The following SLC27A4 variants were observed in gnomAD, a reference collection of about 807,000 sequenced individuals.
SLC27A4 encodes solute carrier family 27 member 4.
SLC27A4 carries 33 observed loss-of-function variants against 64.4 expected under a neutral mutation model. The observed-to-expected ratio is 0.51, with a 90% CI of 0.39 to 0.68. The LOEUF (loss-of-function observed/expected upper bound fraction) is 0.68, where lower values mean the gene tolerates loss of function less well. SLC27A4 is among the 30% of genes least tolerant of loss of function. The pLI is 0.00. For missense variants in SLC27A4, 824 were observed against 883.5 expected, an observed-to-expected ratio of 0.93 and a Z score of 0.85; for synonymous variants, 377 against 370.0, an observed-to-expected ratio of 1.02 and a Z score of -0.22.
Position 128,355,109 on chromosome 9 carries a change from G to T in SLC27A4, c.1381G>T (p.Asp461Tyr). 1.2e-6 allele frequency: 2 copies of T among 1,613,554 alleles called. No homozygotes were observed. Among genetic ancestry groups the T allele is most frequent in the Non-Finnish European group, 8.5e-7 (1 of 1,179,806 alleles). ...CCAGAAAGACCCCCTGCGCCGCTTCGATGGCTACCTCAACCAGGGCGCCAA... is the reference window on the plus strand; with the variant it reads ...CCAGAAAGACCCCCTGCGCCGCTTCTATGGCTACCTCAACCAGGGCGCCAA... ...IIQKDPLRRF[D>Y]GYLNQGANNK... Residue 461 changes from aspartate to tyrosine, a missense_variant, in exon 10 of 13, where the codon GAT (aspartate) becomes TAT (tyrosine). Physicochemically the swap from Asp to Tyr is radical, Grantham distance 160. Coordinates refer to ENST00000300456, the MANE Select transcript of SLC27A4 (RefSeq NM_005094.4).
At chr9:128,360,082 C>T (rs1832875509) in intron 12 of SLC27A4, among the ~76,000 whole-genome samples, 1 of 152,184 alleles carries the variant, frequency 6.6e-6, no homozygotes, top group African/African-American at 2.4e-5. Flanking sequence ...AAATAGCCTC[C>T]CTTCTCCAGG....
intron 1 of SLC27A4, 40 bp from the exon 2 acceptor site, chr9:128,343,087 G>C (rs1832600785): frequency 6.2e-7 from 1 of 1,610,940 alleles, no homozygotes; most frequent in Non-Finnish European, 8.5e-7. Flanking sequence ...AGACCTGGAG[G>C]GTTGGGTGTT....
At position 128,355,399 on chromosome 9, in the gene SLC27A4, T is replaced by C. The variant is rs1375788890; in HGVS notation, c.1464T>C (p.Gly488=). 6.2e-7 allele frequency: 1 copy of C among 1,613,374 alleles called. No individual in the cohort carries two copies. Among genetic ancestry groups the C allele is most frequent in the East Asian group, 2.2e-5 (1 of 44,856 alleles). The part of the protein sequence containing the change: ...FKKGDQAYLT[G]DVLVMDELGY... ...CTGCCTCATCCGGCCCCTCCCTAGG[T>C]GATGTGCTGGTGATGGACGAGCTGG... Residue 488 remains glycine (G), a splice_region_variant and synonymous_variant, in exon 11 of 13, where the codon GGT becomes GGC. Transcript: ENST00000300456.
chr9:128,354,164 G>A (rs1435962777), intron 9 of SLC27A4, among the ~76,000 whole-genome samples: 3 of 151,612 alleles, frequency 2.0e-5, no homozygotes, highest in Non-Finnish European at 2.9e-5. Flanking sequence ...GGTTGGTCTC[G>A]AACTCCTGAC....
At chr9:128,358,419 G>A (rs766065682) in intron 12 of SLC27A4, among the ~76,000 whole-genome samples, 1 of 152,090 alleles carries the variant, frequency 6.6e-6, no homozygotes, top group Non-Finnish European at 1.5e-5. Flanking sequence ...CAACACTTTG[G>A]GATTAAATTT....
At chr9:128,344,653 G>A (rs1014543572) in intron 2 of SLC27A4, among the ~76,000 whole-genome samples, 3 of 152,222 alleles carry the variant, frequency 2.0e-5, no homozygotes, top group African/African-American at 7.2e-5. Context: ...GCCTATCCCA[G>A]CTAGGCTCAC....
rs1489170063 is a variant in SLC27A4, at chr9:128,360,853, C to G, written c.*362C>G. The stretch of plus-strand genomic sequence containing the variant: ...ATAAATGGAACCAGAGCAGAAGTCC[C>G]CAGACTCAGGAAGTCAACAGAGTGG... On this transcript the variant is annotated 3_prime_UTR_variant, in exon 13 of 13. Transcript: ENST00000300456. The G allele has an allele frequency of 6.4e-6, 2 of 311,768 alleles. No individual in the cohort carries two copies. The highest frequency in any genetic ancestry group is 1.6e-4 in the East Asian group (2 of 12,188). 19.3% of individuals were successfully genotyped at this position (311,768 alleles called of 1,614,324 possible). A position where few individuals can be genotyped will look rare whatever the true frequency, so the allele number is the denominator to read the frequency against.
rs1241370183 is a variant in SLC27A4 at position 128,360,508 on chromosome 9, G to A, written c.*17G>A. The A allele has an allele frequency of 1.2e-6, 2 of 1,612,966 alleles. No homozygotes were observed. Among genetic ancestry groups the A allele is most frequent in the Non-Finnish European group, 1.7e-6 (2 of 1,179,860 alleles). On this transcript the variant is annotated 3_prime_UTR_variant, in exon 13 of 13. Coordinates refer to ENST00000300456, the MANE Select transcript of SLC27A4 (RefSeq NM_005094.4). ...AAGCTGTGATTCCCCCCATCCCTCTGAGGGCCGGCGGATGCTGGATCCGGA... is the reference window on the plus strand; with the variant it reads ...AAGCTGTGATTCCCCCCATCCCTCTAAGGGCCGGCGGATGCTGGATCCGGA...
rs1005419769 is a variant in SLC27A4 at position 128,353,075 on chromosome 9, G to A, written c.1038G>A (p.Pro346=). 13 of 1,613,998 alleles carry A rather than the reference G, an allele frequency of 8.1e-6. No homozygotes were observed. The Admixed American group carries it at 8.3e-5, about 10-fold the overall frequency. Residue 346 remains proline (P), a synonymous_variant, in exon 8 of 13, where the codon CCG becomes CCA. Coordinates refer to ENST00000300456, the MANE Select transcript of SLC27A4 (RefSeq NM_005094.4). This position sits in a 1 kb window ranked among gnomAD's most constrained non-coding sequence, Gnocchi z 4.9. ...GCCGCTACCTCCTGAACCAGCCACCGCGGGAGGCAGAAAACCAGCACCAGG... is the reference window on the plus strand; with the variant it reads ...GCCGCTACCTCCTGAACCAGCCACCACGGGAGGCAGAAAACCAGCACCAGG... ...ELCRYLLNQP[P]REAENQHQVR...
rs924526840 is a variant in SLC27A4 at position 128,353,945 on chromosome 9, G to A, written c.1324+404G>A. 2.0e-5 allele frequency among the ~76,000 whole-genome samples: 3 copies of A among 150,474 alleles called. No homozygotes were observed. The highest frequency in any genetic ancestry group is 6.6e-5 in the Admixed American group (1 of 15,160). On this transcript the variant is annotated intron_variant, in intron 9 of 12. Transcript: ENST00000300456. This position sits in a 1 kb window ranked among gnomAD's most constrained non-coding sequence, Gnocchi z 4.9. The stretch of plus-strand genomic sequence containing the variant: ...TTTTTAGTAGAGACGGGGTTTCACC[G>A]TTTTAGCCGGGATGGTCTCGATCTC...
chr9:128,345,024 A>C lies in SLC27A4; in HGVS notation c.162-131A>C. On this transcript the variant is annotated intron_variant, in intron 2 of 12. Coordinates refer to ENST00000300456, the MANE Select transcript of SLC27A4 (RefSeq NM_005094.4). The surrounding 1 kb of genome is among the most constrained non-coding windows in gnomAD (Gnocchi z 4.1). Reference sequence around the variant, plus strand: ...GCAGTGCATGTTCCCAGCAGGAGCCAGGAGATAGAAGTGTTGTAGGGGGTC... The same window carrying C: ...GCAGTGCATGTTCCCAGCAGGAGCCCGGAGATAGAAGTGTTGTAGGGGGTC... The C allele has an allele frequency of 4.9e-6, 5 of 1,024,422 alleles. No individual in the cohort carries two copies. Among genetic ancestry groups the C allele is most frequent in the Admixed American group, 2.1e-5 (1 of 48,576 alleles). The allele number at this position is 1,024,422 out of a possible 1,614,324, so 63.5% of individuals were successfully genotyped here. A position where few individuals can be genotyped will look rare whatever the true frequency, so the allele number is the denominator to read the frequency against.
chr9:128,342,906 T>C lies in SLC27A4; in HGVS notation c.-6-221T>C, dbSNP rs112189308. 2.4e-3 allele frequency: 1,438 copies of C among 597,462 alleles called. 22 individuals are homozygous for C. In the African/African-American group the frequency reaches 0.024, roughly 10 times the overall value. 37.0% of individuals were successfully genotyped at this position (597,462 alleles called of 1,614,324 possible). ...ATGAGACGAGAACCAGCCTCCTGCT[T>C]CTCACTCTTGGAATTCCTCACCTCA... On this transcript the variant is annotated intron_variant, in intron 1 of 12. Transcript: ENST00000300456.
Position 128,347,739 on chromosome 9 carries a change from G to C in SLC27A4, c.557-806G>C, listed in dbSNP as rs185877400. Among the ~76,000 whole-genome samples the C allele has an allele frequency of 3.1e-3, 463 of 151,488 alleles. 7 individuals carry two copies. Among genetic ancestry groups the C allele is most frequent in the East Asian group, 0.024 (122 of 5,156 alleles). ...AAAAAAAAAAAAAAGATGCTGAAAG[G>C]GGGCCAGGCACAGTGGCTCATGCCT... On this transcript the variant is annotated intron_variant, in intron 3 of 12. Coordinates refer to ENST00000300456, the MANE Select transcript of SLC27A4 (RefSeq NM_005094.4).
rs1041171329 is a variant in SLC27A4 at position 128,353,219 on chromosome 9, C to T, written c.1182C>T (p.Gly394=). Residue 394 remains glycine (G), a synonymous_variant, in exon 8 of 13, where the codon GGC becomes GGT. Coordinates refer to ENST00000300456, the MANE Select transcript of SLC27A4 (RefSeq NM_005094.4). This position sits in a 1 kb window ranked among gnomAD's most constrained non-coding sequence, Gnocchi z 4.9. The stretch of plus-strand genomic sequence containing the variant: ...CCACAGAGTGCAACTGTAGCCTGGG[C>T]AACTTCGACAGCCAGGTGCGGCCAG... ...YGATECNCSL[G]NFDSQVGACG... is the part of the protein sequence containing the mutation. 25 of 1,613,888 alleles carry T rather than the reference C, an allele frequency of 1.5e-5. No homozygotes were observed. Among genetic ancestry groups the T allele is most frequent in the Non-Finnish European group, 1.9e-5 (23 of 1,180,006 alleles).
intron 12 of SLC27A4, among the ~76,000 whole-genome samples, chr9:128,357,418 C>T (rs556886352): frequency 1.3e-3 from 198 of 151,698 alleles, no homozygotes; most frequent in Admixed American, 3.4e-3. Context: ...CCAGCCTGGG[C>T]GACAGAGTGA....
intron 1 of SLC27A4, among the ~76,000 whole-genome samples, chr9:128,341,454 G>T (rs894594726): frequency 6.6e-6 from 1 of 152,198 alleles, no homozygotes; most frequent in African/African-American, 2.4e-5. Flanking sequence ...AGACCCCAAA[G>T]ATTCATCCGA....
rs1470157788 is a variant in SLC27A4, at chr9:128,345,545, C to T, written c.552C>T (p.Ala184=). Residue 184 remains alanine (A), a synonymous_variant, in exon 3 of 13, where the codon GCC becomes GCT. Coordinates refer to ENST00000300456, the MANE Select transcript of SLC27A4 (RefSeq NM_005094.4). This position sits in a 1 kb window ranked among gnomAD's most constrained non-coding sequence, Gnocchi z 4.1. ...ARALVFGSEM[A]SAICEVHASL... is the part of the protein sequence containing the mutation. The stretch of plus-strand genomic sequence containing the variant: ...CCCTTGTCTTTGGCAGCGAAATGGC[C>T]TCAGGTGAGCCCCAAGGGGGCGGGG... 1.2e-6 allele frequency: 2 copies of T among 1,603,416 alleles called. No homozygotes were observed. Among genetic ancestry groups the T allele is most frequent in the Non-Finnish European group, 1.7e-6 (2 of 1,176,782 alleles).
intron 12 of SLC27A4, among the ~76,000 whole-genome samples, chr9:128,359,207 G>A (rs538126939): frequency 1.3e-5 from 2 of 152,280 alleles, no homozygotes; most frequent in South Asian, 2.1e-4. Context: ...TGAAAGATGC[G>A]GCCAGGCGTG....
At chr9:128,356,800 A>T (rs1832826638) in intron 12 of SLC27A4, among the ~76,000 whole-genome samples, 1 of 148,826 alleles carries the variant, frequency 6.7e-6, no homozygotes, top group Admixed American at 6.7e-5. Flanking sequence ...ACATAAAAAT[A>T]AAAAAATTAG....
Sources: allele counts gnomAD v4.1 joint callset (sites outside exome capture counted in the v4.1 genomes callset), GRCh38; gene constraint gnomAD v4.1.1; non-coding constraint Gnocchi (gnomAD v3.1); transcripts MANE v1.5; gene names NCBI Gene and HGNC (gene_info 2026-07-23, HGNC 2026-07-21).